Variants in ASPRV1 observed in about 807,000 individuals in gnomAD.
ASPRV1 encodes the protein aspartic peptidase retroviral like 1, also known as retroviral-like aspartic protease 1.
In ASPRV1, 7 loss-of-function variants were observed where a neutral mutation model predicts 11.0. That is an observed-to-expected ratio of 0.64 (90% CI 0.36 to 1.20). The LOEUF (loss-of-function observed/expected upper bound fraction) is 1.20, where lower values mean the gene tolerates loss of function less well. Ranked by LOEUF, ASPRV1 falls within the 50% of genes most tolerant of loss-of-function variation. The pLI, the probability that ASPRV1 is intolerant of heterozygous loss-of-function variation, is 0.02. For missense variants in ASPRV1, 299 were observed against 320.0 expected, an observed-to-expected ratio of 0.93 and a Z score of 0.50; for synonymous variants, 136 against 138.4, an observed-to-expected ratio of 0.98 and a Z score of 0.12.
chr2:70,059,332 C>A, the ASPRV1 span, among the ~76,000 whole-genome samples: 1 of 147,032 alleles, frequency 6.8e-6, no homozygotes, highest in Non-Finnish European at 1.5e-5. Context: ...ATGTGCAGAA[C>A]ATGCAGGTTT....
At chr2:70,021,704 G>T in the ASPRV1 span, among the ~76,000 whole-genome samples, 1 of 149,054 alleles carries the variant, frequency 6.7e-6, no homozygotes, top group East Asian at 2.0e-4. Flanking sequence ...TACGTTAAGA[G>T]AATACTTTTT....
the ASPRV1 span, among the ~76,000 whole-genome samples, chr2:69,996,282 C>T: frequency 6.8e-6 from 1 of 146,966 alleles, no homozygotes; most frequent in African/African-American, 2.5e-5. Flanking sequence ...GTCCCAGCTA[C>T]TTGGGAGGCT....
the ASPRV1 span, among the ~76,000 whole-genome samples, chr2:70,022,691 A>T: frequency 6.6e-6 from 1 of 152,072 alleles, no homozygotes; most frequent in African/African-American, 2.4e-5. Context: ...CCCTGTTTAA[A>T]AAAAAAATAA....
the ASPRV1 span, among the ~76,000 whole-genome samples, chr2:70,029,016 G>A: frequency 7.2e-5 from 11 of 152,232 alleles, no homozygotes; most frequent in Non-Finnish European, 1.6e-4. Context: ...CCACCAGAGA[G>A]GCCCTAAAGT....
At chr2:69,981,932 C>T in the ASPRV1 span, among the ~76,000 whole-genome samples, 9 of 152,122 alleles carry the variant, frequency 5.9e-5, no homozygotes, top group Non-Finnish European at 1.0e-4. Flanking sequence ...AGGTCTATGT[C>T]GGCAGAGCAG....
chr2:69,950,963 T>TA, the ASPRV1 span, among the ~76,000 whole-genome samples: 1 of 151,728 alleles, frequency 6.6e-6, no homozygotes, highest in Non-Finnish European at 1.5e-5. Context: ...TGTAATCCTA[T>TA]TTTTGTTAAA....
chr2:69,987,469 G>C, the ASPRV1 span, among the ~76,000 whole-genome samples: 2 of 151,702 alleles, frequency 1.3e-5, no homozygotes, highest in Admixed American at 1.3e-4. Flanking sequence ...AAATCAGTTC[G>C]GGGTGGTGGC....
chr2:69,942,339 T>C, the ASPRV1 span: 4 of 152,058 alleles, frequency 2.6e-5, no homozygotes, highest in African/African-American at 9.7e-5. Context: ...GAGGGTGGGG[T>C]GTGCAATAGG....
At chr2:69,954,680 T>C in the ASPRV1 span, among the ~76,000 whole-genome samples, 4 of 152,086 alleles carry the variant, frequency 2.6e-5, no homozygotes, top group Non-Finnish European at 5.9e-5. Context: ...ACCCCAAATA[T>C]TCCCGGGAAA....
the ASPRV1 span, among the ~76,000 whole-genome samples, chr2:70,028,952 TAAATA>T: frequency 6.6e-6 from 1 of 151,394 alleles, no homozygotes; most frequent in African/African-American, 2.4e-5. Context: ...AAAAAATAAA[TAAATA>T]AAATAAATTC....
the ASPRV1 span, among the ~76,000 whole-genome samples, chr2:70,055,416 A>C: frequency 1.3e-4 from 20 of 152,342 alleles, no homozygotes; most frequent in Non-Finnish European, 2.4e-4. Flanking sequence ...GATAAAGAAA[A>C]TATGGTACAT....
the ASPRV1 span, among the ~76,000 whole-genome samples, chr2:69,947,840 T>A: frequency 6.6e-6 from 1 of 151,894 alleles, no homozygotes; most frequent in Admixed American, 6.5e-5. Flanking sequence ...AAATAATCCC[T>A]CCTGTCTAGA....
the ASPRV1 span, among the ~76,000 whole-genome samples, chr2:70,029,842 T>G: frequency 6.6e-6 from 1 of 152,126 alleles, no homozygotes; most frequent in African/African-American, 2.4e-5. Flanking sequence ...GTACAGGTCC[T>G]TGGGCCACAA....
chr2:69,937,556 C>G, the ASPRV1 span, among the ~76,000 whole-genome samples: 1 of 152,202 alleles, frequency 6.6e-6, no homozygotes, highest in South Asian at 2.1e-4. Context: ...TTCCTTCTCC[C>G]TGCTAACACT....
At chr2:69,983,161 C>T in the ASPRV1 span, among the ~76,000 whole-genome samples, 109 of 152,282 alleles carry the variant, frequency 7.2e-4, no homozygotes, top group African/African-American at 2.1e-3. Flanking sequence ...TCAGGCAATC[C>T]GCCCACCATG....
At chr2:70,019,816 G>C in the ASPRV1 span, among the ~76,000 whole-genome samples, 1 of 152,070 alleles carries the variant, frequency 6.6e-6, no homozygotes, top group African/African-American at 2.4e-5. Context: ...TAGACAGGAG[G>C]AACAAGTTCA....
the ASPRV1 span, among the ~76,000 whole-genome samples, chr2:69,983,247 C>T: frequency 6.6e-6 from 1 of 152,200 alleles, no homozygotes; most frequent in Non-Finnish European, 1.5e-5. Flanking sequence ...GTCTTTTTCT[C>T]ATTGGAGCGT....
chr2:70,057,114 CA>C, the ASPRV1 span, among the ~76,000 whole-genome samples: 4 of 150,660 alleles, frequency 2.7e-5, no homozygotes, highest in Non-Finnish European at 4.4e-5. Context: ...TATTAAAAAA[CA>C]AAAAGGCCAG....
chr2:69,989,647 C>T, the ASPRV1 span, among the ~76,000 whole-genome samples: 2 of 152,216 alleles, frequency 1.3e-5, no homozygotes, highest in East Asian at 1.9e-4. Flanking sequence ...CTGATGAGCA[C>T]GGGAAAACAA....
Sources: gnomAD v4.1 joint callset for allele counts (sites outside exome capture counted in the v4.1 genomes callset) on GRCh38, gnomAD v4.1.1 for gene constraint, MANE v1.5 for transcripts, NCBI Gene and HGNC (gene_info 2026-07-23, HGNC 2026-07-21) for gene names.